ASIC2: variants seen among roughly 807,000 people sequenced by gnomAD.
ASIC2 encodes the protein acid sensing ion channel subunit 2.
Under a neutral mutation model 57.3 loss-of-function variants are expected in ASIC2, and 25 were observed. The ratio of observed to expected loss-of-function variants is 0.44; its 90% confidence interval spans 0.32 to 0.61. ASIC2 has a LOEUF of 0.61. Among genes scored for constraint, ASIC2 ranks in the 20% least tolerant of loss-of-function variants. The probability of loss-of-function intolerance (pLI) is 0.06; values close to 1 mark genes in which losing one functional copy is unlikely to be tolerated. For synonymous variants in ASIC2, 319 were observed against 307.5 expected, an observed-to-expected ratio of 1.04 and a Z score of -0.39; for missense variants, 641 against 738.1, an observed-to-expected ratio of 0.87 and a Z score of 1.52.
At chr17:34,095,670 TAG>T (rs796583537) in intron 1 of ASIC2, among the ~76,000 whole-genome samples, 121 of 92,770 alleles carry the variant, frequency 1.3e-3, no homozygotes, top group South Asian at 2.9e-3. Flanking sequence ...TATATATATA[TAG>T]AGAGAGAGAT....
At chr17:34,040,288 C>G (rs923633452) in intron 1 of ASIC2, among the ~76,000 whole-genome samples, 1 of 149,970 alleles carries the variant, frequency 6.7e-6, no homozygotes, top group Admixed American at 6.6e-5. Context: ...TGCCCAGGAC[C>G]TGCCTCCGGC....
At chr17:33,347,208 G>A (rs752941595) in intron 1 of ASIC2, among the ~76,000 whole-genome samples, 2 of 152,312 alleles carry the variant, frequency 1.3e-5, no homozygotes, top group Non-Finnish European at 2.9e-5. Context: ...CATTCATAGA[G>A]ACACGAGGAA....
chr17:34,080,592 A>C (rs967513992), intron 1 of ASIC2, among the ~76,000 whole-genome samples: 4 of 152,170 alleles, frequency 2.6e-5, no homozygotes, highest in African/African-American at 9.6e-5. Flanking sequence ...GTACCTGCAG[A>C]GGGAAGGATG....
At chr17:33,411,968 G>A (rs1371488112) in intron 1 of ASIC2, among the ~76,000 whole-genome samples, 1 of 152,094 alleles carries the variant, frequency 6.6e-6, no homozygotes, top group East Asian at 1.9e-4. Context: ...GTTAGGGTTT[G>A]AACAAATCTG....
Position 33,876,968 on chromosome 17 carries a change from A to G in ASIC2, c.555+279010T>C, listed in dbSNP as rs567916669. ...AGAGCTCTCTGTTATTTCTAAGCTC[A>G]CAAAAGTCCAGGAATGTGTGCTTTG... On this transcript the variant is annotated intron_variant, in intron 1 of 9. Coordinates refer to the ASIC2 transcript ENST00000359872. 9.2e-5 allele frequency among the ~76,000 whole-genome samples: 14 copies of G among 152,374 alleles called. No homozygotes were observed. The South Asian group carries it at 2.5e-3, about 27-fold the overall frequency.
At chr17:34,130,968 A>C (rs1273456530) in intron 1 of ASIC2, among the ~76,000 whole-genome samples, 2 of 152,222 alleles carry the variant, frequency 1.3e-5, no homozygotes, top group Non-Finnish European at 2.9e-5. Context: ...GGAGAGATCG[A>C]GAAAGCCTTC....
chr17:33,932,541 C>G (rs572370933), intron 1 of ASIC2: 1 of 151,050 alleles, frequency 6.6e-6, no homozygotes, highest in South Asian at 2.1e-4. Flanking sequence ...TGGAGAAACC[C>G]TGTCTGTGCT....
chr17:33,976,111 C>A (rs2142001105), intron 1 of ASIC2, among the ~76,000 whole-genome samples: 1 of 147,468 alleles, frequency 6.8e-6, no homozygotes, highest in East Asian at 2.0e-4. Flanking sequence ...CTTCCCTGGT[C>A]TCCTTATATA....
At chr17:33,581,920 G>A (rs188376878) in intron 1 of ASIC2, among the ~76,000 whole-genome samples, 21 of 152,270 alleles carry the variant, frequency 1.4e-4, no homozygotes, top group South Asian at 6.2e-4. Flanking sequence ...TTCCCTGACC[G>A]TAGACCCAGG....
At chr17:33,985,483 A>G (rs746554376) in intron 1 of ASIC2, among the ~76,000 whole-genome samples, 1 of 152,212 alleles carries the variant, frequency 6.6e-6, no homozygotes, top group Non-Finnish European at 1.5e-5. Flanking sequence ...CCATACTTGA[A>G]TAGAGAGGTT....
intron 1 of ASIC2, among the ~76,000 whole-genome samples, chr17:34,008,461 G>C (rs73986804): frequency 0.013 from 1,908 of 152,284 alleles, 34 homozygotes; most frequent in African/African-American, 0.043. Context: ...TCTAGGGCAA[G>C]AAAATCATCT....
At chr17:33,030,729 T>C (rs1209230323) in intron 3 of ASIC2, among the ~76,000 whole-genome samples, 1 of 152,184 alleles carries the variant, frequency 6.6e-6, no homozygotes, top group African/African-American at 2.4e-5. Flanking sequence ...CAGTGATATA[T>C]ATTTTGGCAA....
At chr17:33,127,758 C>T (rs2092329691) in intron 1 of ASIC2, among the ~76,000 whole-genome samples, 1 of 152,218 alleles carries the variant, frequency 6.6e-6, no homozygotes, top group South Asian at 2.1e-4. Context: ...GCCACAGCCT[C>T]CTACAGAGTC....
rs1007760416 is a variant in ASIC2 at position 33,731,577 on chromosome 17, T to C, written c.555+424401A>G. 4.9e-4 allele frequency among the ~76,000 whole-genome samples: 75 copies of C among 152,208 alleles called. 2 individuals carry two copies. The highest frequency in any genetic ancestry group is 1.5e-4 in the Non-Finnish European group (10 of 68,034). On this transcript the variant is annotated intron_variant, in intron 1 of 9. Transcript: ENST00000359872. ...ATTAGAAAGAGCTAGGAATTTAATATACAGAGAGATTGATGGGAGGAGTCT... is the reference window on the plus strand; with the variant it reads ...ATTAGAAAGAGCTAGGAATTTAATACACAGAGAGATTGATGGGAGGAGTCT...
At chr17:33,670,666 T>C (rs77076113) in intron 1 of ASIC2, among the ~76,000 whole-genome samples, 14,324 of 152,252 alleles carry the variant, frequency 0.094, 856 homozygotes, top group Admixed American at 0.14. Flanking sequence ...CAACCTCATC[T>C]TTCTGAAATG....
chr17:33,383,455 A>G (rs1909561586), intron 1 of ASIC2, among the ~76,000 whole-genome samples: 5 of 152,234 alleles, frequency 3.3e-5, no homozygotes, highest in Non-Finnish European at 7.3e-5. Flanking sequence ...GTTGATACCA[A>G]GAAATGGATA....
chr17:33,826,439 T>C (rs1049696033), intron 1 of ASIC2, among the ~76,000 whole-genome samples: 1 of 152,224 alleles, frequency 6.6e-6, no homozygotes, highest in Non-Finnish European at 1.5e-5. Context: ...CCACCAACCA[T>C]ATGCGAGGTC....
At chr17:33,877,328 C>T (rs1449192127) in intron 1 of ASIC2, among the ~76,000 whole-genome samples, 4 of 152,190 alleles carry the variant, frequency 2.6e-5, no homozygotes, top group African/African-American at 4.8e-5. Flanking sequence ...GGCATCGCCT[C>T]GCCCGGGAAG....
At chr17:34,021,165 C>A (rs559336511) in intron 1 of ASIC2, among the ~76,000 whole-genome samples, 1 of 152,024 alleles carries the variant, frequency 6.6e-6, no homozygotes, top group South Asian at 2.1e-4. Context: ...GACGGGTGCA[C>A]CAAAATCTCA....
Sources: allele counts gnomAD v4.1 joint callset (sites outside exome capture counted in the v4.1 genomes callset), GRCh38; gene constraint gnomAD v4.1.1; transcripts MANE v1.5; gene names NCBI Gene and HGNC (gene_info 2026-07-23, HGNC 2026-07-21).